Variants in ERC2 observed in about 807,000 individuals in gnomAD.
The protein encoded by ERC2 is ERC protein 2.
ERC2 carries 42 observed loss-of-function variants against 114.8 expected under a neutral mutation model. That is an observed-to-expected ratio of 0.37 (90% CI 0.29 to 0.47). The LOEUF (loss-of-function observed/expected upper bound fraction) is 0.47, where lower values mean the gene tolerates loss of function less well. Among genes scored for constraint, ERC2 ranks in the 20% least tolerant of loss-of-function variants. ERC2 has a pLI of 0.99. For missense variants in ERC2, 939 were observed against 1,150.7 expected (o/e 0.82, Z 2.66); for synonymous variants, 454 against 425.5 (o/e 1.07, Z -0.82).
At chr3:56,025,789 C>T (rs576615482) in intron 7 of ERC2, among the ~76,000 whole-genome samples, 53 of 152,222 alleles carry the variant, frequency 3.5e-4, no homozygotes, top group Non-Finnish European at 7.2e-4. Context: ...AGACATAACA[C>T]CAACAGGCAC....
At chr3:55,689,177 G>T (rs778994805) in intron 16 of ERC2, among the ~76,000 whole-genome samples, 5 of 152,086 alleles carry the variant, frequency 3.3e-5, no homozygotes, top group Admixed American at 6.5e-5. Flanking sequence ...AGACCACTTT[G>T]TCAAGCCATC....
intron 17 of ERC2, among the ~76,000 whole-genome samples, chr3:55,584,364 C>T (rs189997679): frequency 3.9e-5 from 6 of 152,304 alleles, no homozygotes; most frequent in Admixed American, 2.0e-4. Flanking sequence ...CTTAGAGCCA[C>T]GCCTGGTTTA....
At chr3:56,113,083 G>A (rs928001127) in intron 6 of ERC2, among the ~76,000 whole-genome samples, 1 of 152,154 alleles carries the variant, frequency 6.6e-6, no homozygotes, top group African/African-American at 2.4e-5. Context: ...AATAGGTGGG[G>A]TGTTAATATC....
intron 6 of ERC2, among the ~76,000 whole-genome samples, chr3:56,097,392 TATAC>T (rs2078119170): frequency 6.6e-6 from 1 of 152,186 alleles, no homozygotes; most frequent in Non-Finnish European, 1.5e-5. Flanking sequence ...CCTTTGCTAG[TATAC>T]ATCATGGCTC....
intron 17 of ERC2, among the ~76,000 whole-genome samples, chr3:55,675,894 CTTTTCTTTCTTT>C (rs2061767265): frequency 9.9e-5 from 7 of 70,496 alleles, no homozygotes; most frequent in Non-Finnish European, 2.0e-4. Context: ...CTTTCTTTCT[CTTTTCTTTCTTT>C]TTTTTTTTTT....
intron 2 of ERC2, among the ~76,000 whole-genome samples, chr3:56,387,565 A>G (rs1293189643): frequency 1.3e-5 from 2 of 152,190 alleles, no homozygotes; most frequent in African/African-American, 4.8e-5. Context: ...ATGCAGGACA[A>G]TATTCGTTCA....
At chr3:55,886,138 G>A (rs371160528) in intron 14 of ERC2, among the ~76,000 whole-genome samples, 9 of 152,284 alleles carry the variant, frequency 5.9e-5, no homozygotes, top group African/African-American at 2.2e-4. Flanking sequence ...GGAGGAAGAC[G>A]AGAGACAGGT....
At chr3:55,922,841 G>C (rs2065507969) in intron 13 of ERC2, among the ~76,000 whole-genome samples, 1 of 152,156 alleles carries the variant, frequency 6.6e-6, no homozygotes, top group Non-Finnish European at 1.5e-5. Context: ...CCAGATATTG[G>C]GGAGATGCAA....
chr3:56,032,921 A>AGAG (rs1560056350), intron 7 of ERC2, among the ~76,000 whole-genome samples: 3 of 80,872 alleles, frequency 3.7e-5, no homozygotes, highest in Non-Finnish European at 5.5e-5. Context: ...GAAAGAAAGA[A>AGAG]AGAAAGAAAG....
intron 2 of ERC2, among the ~76,000 whole-genome samples, chr3:56,408,496 C>T (rs1468795939): frequency 6.6e-6 from 1 of 152,040 alleles, no homozygotes; most frequent in Non-Finnish European, 1.5e-5. Flanking sequence ...ACCCCATATA[C>T]GCTCACATCC....
At chr3:55,922,015 A>G (rs1299900453) in intron 13 of ERC2, among the ~76,000 whole-genome samples, 1 of 152,086 alleles carries the variant, frequency 6.6e-6, no homozygotes, top group Middle Eastern at 3.2e-3. Flanking sequence ...ACATTAGCTC[A>G]TACAGAGAAA....
chr3:55,807,899 C>T (rs9311588), intron 14 of ERC2, among the ~76,000 whole-genome samples: 8,720 of 152,166 alleles, frequency 0.057, 360 homozygotes, highest in African/African-American at 0.11. Context: ...TAGAGTCTTC[C>T]GCTAAAATGA....
intron 4 of ERC2, among the ~76,000 whole-genome samples, chr3:56,161,839 T>C (rs1183893736): frequency 6.6e-6 from 1 of 152,170 alleles, no homozygotes; most frequent in African/African-American, 2.4e-5. Flanking sequence ...TGAAGAGATA[T>C]AGCTTGACTT....
chr3:56,207,282 A>G (rs1484262524), intron 3 of ERC2, among the ~76,000 whole-genome samples: 1 of 152,166 alleles, frequency 6.6e-6, no homozygotes, highest in Non-Finnish European at 1.5e-5. Context: ...GATTTTTTAA[A>G]TTAAAAAAAC....
At chr3:55,955,245 T>G (rs933536410) in intron 12 of ERC2, 4 of 431,152 alleles carry the variant, frequency 9.3e-6, no homozygotes, top group Middle Eastern at 3.3e-4. Context: ...TATGGTGGTG[T>G]GTTTGTGTGT....
At chr3:55,645,652 A>G (rs774397389) in intron 17 of ERC2, among the ~76,000 whole-genome samples, 1 of 152,196 alleles carries the variant, frequency 6.6e-6, no homozygotes, top group Non-Finnish European at 1.5e-5. Context: ...TGATCCAGGA[A>G]AGACAGATGT....
intron 16 of ERC2, among the ~76,000 whole-genome samples, chr3:55,689,673 A>G (rs1171185800): frequency 6.6e-6 from 1 of 152,146 alleles, no homozygotes; most frequent in Non-Finnish European, 1.5e-5. Context: ...AGCTGCTTAA[A>G]AAAGAAAATG....
chr3:56,261,697 C>CT (rs908278730), intron 3 of ERC2, among the ~76,000 whole-genome samples: 4 of 151,490 alleles, frequency 2.6e-5, no homozygotes, highest in Admixed American at 6.6e-5. Context: ...TTATTCTTTA[C>CT]TTTTTTTTTA....
chr3:56,255,988 TTAAAGA>T (rs1359941341), intron 3 of ERC2, among the ~76,000 whole-genome samples: 1 of 152,118 alleles, frequency 6.6e-6, no homozygotes, highest in Non-Finnish European at 1.5e-5. Context: ...ACACAGCAGG[TTAAAGA>T]TAAACTCCAA....
Sources: gnomAD v4.1 joint callset for allele counts (sites outside exome capture counted in the v4.1 genomes callset) on GRCh38, gnomAD v4.1.1 for gene constraint, MANE v1.5 for transcripts, NCBI Gene and HGNC (gene_info 2026-07-23, HGNC 2026-07-21) for gene names.